PARP9: variants seen among roughly 807,000 people sequenced by gnomAD.
PARP9 encodes poly(ADP-ribose) polymerase family member 9, also known as protein mono-ADP-ribosyltransferase PARP9.
In PARP9, 48 loss-of-function variants were observed where a neutral mutation model predicts 68.8. That is an observed-to-expected ratio of 0.70 (90% confidence interval 0.55 to 0.89). PARP9 has a LOEUF of 0.89. Ranked by LOEUF, PARP9 falls within the 40% of genes least tolerant of loss-of-function variation. The pLI is 0.00. For synonymous variants in PARP9, 309 were observed against 333.8 expected (o/e 0.93, Z 0.81); for missense variants, 806 against 969.3 (o/e 0.83, Z 2.24).
At chr3:122,555,219 A>G (rs2107707408) in intron 4 of PARP9, 67 bp downstream of exon 4, 1 of 1,425,612 alleles carries the variant, frequency 7.0e-7, no homozygotes. Context: ...CATAGTGTAC[A>G]CTCAAAAATT....
intron 2 of PARP9, among the ~76,000 whole-genome samples, chr3:122,559,049 G>A (rs1191180886): frequency 2.0e-5 from 3 of 152,052 alleles, no homozygotes; most frequent in Admixed American, 6.6e-5. Context: ...AGAATGAGAT[G>A]AGGTTTAGAG....
At chr3:122,558,370 C>T (rs770614334) in intron 3 of PARP9, 64 bp downstream of exon 3, 7 of 1,614,190 alleles carry the variant, frequency 4.3e-6, no homozygotes, top group Non-Finnish European at 5.9e-6. Flanking sequence ...ATTCCCCTTT[C>T]TCCACTGAGG....
Position 122,552,460 on chromosome 3 carries a change from A to G in PARP9, c.1065T>C (p.Tyr355=). 1 of 1,614,072 alleles carries G rather than the reference A, an allele frequency of 6.2e-7. No individual in the cohort carries two copies. The highest frequency in any genetic ancestry group is 8.5e-7 in the Non-Finnish European group (1 of 1,180,004). Residue 355 remains tyrosine, a synonymous_variant, in exon 5 of 11, where the codon TAT becomes TAC. Coordinates refer to ENST00000682323, the MANE Select transcript of PARP9 (RefSeq NM_001146105.2). ...CTGAATGCCACAGTACATGGTATATATATTTACAGAACAAGTTAAATCCTT... is the reference window on the plus strand; with the variant it reads ...CTGAATGCCACAGTACATGGTATATGTATTTACAGAACAAGTTAAATCCTT... ...VTKGFNLFCK[Y]IYHVLWHSEF...
intron 8 of PARP9, 26 bp downstream of exon 8, chr3:122,540,446 T>G: frequency 6.2e-7 from 1 of 1,604,976 alleles, no homozygotes; most frequent in Non-Finnish European, 8.5e-7. Flanking sequence ...AGAATTTACT[T>G]TCTAATTTGA....
chr3:122,531,266 C>T (rs186588496), intron 10 of PARP9, among the ~76,000 whole-genome samples: 2 of 152,300 alleles, frequency 1.3e-5, no homozygotes, highest in Non-Finnish European at 2.9e-5. Flanking sequence ...AAAGGGAAGT[C>T]TCATCATGTA....
intron 3 of PARP9, among the ~76,000 whole-genome samples, chr3:122,558,006 C>T (rs1401689987): frequency 6.6e-6 from 1 of 152,178 alleles, no homozygotes; most frequent in Non-Finnish European, 1.5e-5. Flanking sequence ...CTAGAAAGAC[C>T]TCTTGTGGCC....
rs916611079 is a variant in PARP9, at chr3:122,528,851, C to T, written c.2081-108G>A. The T allele has an allele frequency of 3.6e-6, 4 of 1,114,944 alleles. No homozygotes were observed. In the African/African-American group the frequency reaches 4.7e-5, roughly 13 times the overall value. The allele number at this position is 1,114,944 out of a possible 1,614,324, so 69.1% of individuals were successfully genotyped here. A position where few individuals can be genotyped will look rare whatever the true frequency, so the allele number is the denominator to read the frequency against. On this transcript the variant is annotated intron_variant, in intron 10 of 10. Coordinates refer to ENST00000682323, the MANE Select transcript of PARP9 (RefSeq NM_001146105.2). ...TCTTTAGTCTTCCAAATAATCACTT[C>T]CTCCTGATTCTGAGTTCCTGTGTCT... is the stretch of plus-strand genomic sequence containing the variant.
chr3:122,537,906 C>G (rs528579279), intron 8 of PARP9, among the ~76,000 whole-genome samples: 190 of 151,906 alleles, frequency 1.3e-3, no homozygotes, highest in Non-Finnish European at 2.4e-3. Flanking sequence ...GAGCTCCTTA[C>G]TGGACTAAAT....
At chr3:122,547,041 C>T (rs1250818069) in intron 6 of PARP9, among the ~76,000 whole-genome samples, 3 of 124,104 alleles carry the variant, frequency 2.4e-5, no homozygotes, top group Admixed American at 1.7e-4. Flanking sequence ...CACACATATA[C>T]ATACACACAT....
In PARP9 at chr3:122,528,319, T is replaced by A. The variant is rs1370379306; in HGVS notation, c.*45A>T. 1 of 1,574,956 alleles carries A rather than the reference T, an allele frequency of 6.3e-7. No homozygotes were observed. Among genetic ancestry groups the A allele is most frequent in the African/African-American group, 1.3e-5 (1 of 74,140 alleles). On this transcript the variant is annotated 3_prime_UTR_variant, in exon 11 of 11. Transcript: ENST00000682323. ...CCATCGATGGTCATTATTTGGTTAG[T>A]TCACCCAAGGTAAGGCCATACCAGC...
chr3:122,529,516 C>T (rs552399830), intron 10 of PARP9, among the ~76,000 whole-genome samples: 3 of 151,380 alleles, frequency 2.0e-5, no homozygotes, highest in African/African-American at 4.9e-5. Flanking sequence ...TTTGGTAGGC[C>T]GAGGCGGGCT....
intron 6 of PARP9, 84 bp from the exon 7 acceptor site, chr3:122,545,573 A>T: frequency 7.8e-7 from 1 of 1,274,076 alleles, no homozygotes; most frequent in Non-Finnish European, 1.1e-6. Context: ...CACACACAGC[A>T]CTTGACTTCA....
chr3:122,556,754 A>C (rs2079713974), intron 3 of PARP9, among the ~76,000 whole-genome samples: 1 of 152,020 alleles, frequency 6.6e-6, no homozygotes, highest in Admixed American at 6.5e-5. Context: ...GAAACAGTGT[A>C]GATCTTGTGC....
At chr3:122,544,829 T>C (rs961082820) in intron 7 of PARP9, among the ~76,000 whole-genome samples, 2 of 152,088 alleles carry the variant, frequency 1.3e-5, no homozygotes, top group Non-Finnish European at 2.9e-5. Context: ...GAGTCAGAAC[T>C]TGTCTCAAAA....
intron 9 of PARP9, chr3:122,536,595 TG>T (rs2077662520): frequency 1.6e-6 from 1 of 623,156 alleles, no homozygotes; most frequent in Non-Finnish European, 2.6e-6. Context: ...ACATAGTCTC[TG>T]CCCTCTTAAG....
intron 10 of PARP9, chr3:122,535,004 T>C: frequency 2.0e-6 from 2 of 978,510 alleles, no homozygotes; most frequent in Non-Finnish European, 2.4e-6. Flanking sequence ...AAGAAAGATG[T>C]GTATAGATGT....
rs373178768 is a variant in PARP9 at position 122,540,661 on chromosome 3, T to C, written c.1576A>G (p.Ile526Val). 5.0e-6 allele frequency: 8 copies of C among 1,614,164 alleles called. No individual in the cohort carries two copies. Among genetic ancestry groups the C allele is most frequent in the Admixed American group, 1.7e-5 (1 of 60,016 alleles). Reference sequence around the variant, plus strand: ...GAAGTTTTCTGAAGCTGAGACAAAATGTCATGTTCCTTTCTCCCAAGGTAC... The same window carrying C: ...GAAGTTTTCTGAAGCTGAGACAAAACGTCATGTTCCTTTCTCCCAAGGTAC... ...ILYLGRKEHDILSQLQKTSSV... is the reference protein window; with the variant it reads ...ILYLGRKEHDVLSQLQKTSSV... Residue 526 changes from isoleucine to valine, a missense_variant, in exon 8 of 11, where the codon ATT (isoleucine) becomes GTT (valine). Around this residue, in one of 2 missense-constraint regions of PARP9, gnomAD observed 680 missense variants for 858.8 expected, o/e 0.79. Transcript: ENST00000682323.
At chr3:122,532,202 C>G in intron 10 of PARP9, 1 of 985,342 alleles carries the variant, frequency 1.0e-6, no homozygotes, top group Non-Finnish European at 1.2e-6. Flanking sequence ...TGAACATGCT[C>G]AAAAATTTCC....
In PARP9 at chr3:122,550,743, G is replaced by GGAA; in HGVS notation, c.1164_1166dup (p.Ser389dup). On this transcript the variant is annotated inframe_insertion, in exon 6 of 11. Coordinates refer to ENST00000682323, the MANE Select transcript of PARP9 (RefSeq NM_001146105.2). ...CAGTCCCAAGGGCAGGAAAGGAAATGGAAGTTATATTTTGCTCAATGCATT... is the reference window on the plus strand; with the variant it reads ...CAGTCCCAAGGGCAGGAAAGGAAATGGAAGAAGTTATATTTTGCTCAATGCATT... 1 of 1,614,100 alleles carries GGAA rather than the reference G, an allele frequency of 6.2e-7. No individual in the cohort carries two copies. The highest frequency in any genetic ancestry group is 8.5e-7 in the Non-Finnish European group (1 of 1,180,026).
Sources: gnomAD v4.1 joint callset for allele counts (sites outside exome capture counted in the v4.1 genomes callset) on GRCh38, gnomAD v4.1.1 for gene constraint, gnomAD v4.1.1 regional missense constraint, MANE v1.5 for transcripts, NCBI Gene and HGNC (gene_info 2026-07-23, HGNC 2026-07-21) for gene names.